RYR3: variants seen among roughly 807,000 people sequenced by gnomAD.
RYR3 encodes brain ryanodine receptor-calcium release channel.
A neutral mutation model predicts 584.3 loss-of-function variants in RYR3; 207 were observed. The observed-to-expected ratio is 0.35, with a 90% CI of 0.32 to 0.40. The LOEUF is 0.40. Ranked by LOEUF, RYR3 falls within the 10% of genes least tolerant of loss-of-function variation. RYR3 has a pLI of 1.00. For missense variants in RYR3, 5,616 were observed against 6,089.2 expected (o/e 0.92, Z 2.59); for synonymous variants, 2,416 against 2,248.5 (o/e 1.07, Z -2.11).
intron 3 of RYR3, among the ~76,000 whole-genome samples, chr15:33,522,065 C>T (rs2054029010): frequency 6.9e-6 from 1 of 145,744 alleles, no homozygotes; most frequent in African/African-American, 2.5e-5. Flanking sequence ...ACCAGCCTGG[C>T]CAATATGGCA....
At chr15:33,633,399 C>T (rs1377142318) in intron 24 of RYR3, among the ~76,000 whole-genome samples, 6 of 152,238 alleles carry the variant, frequency 3.9e-5, no homozygotes, top group African/African-American at 1.4e-4. Context: ...AAAGCTTTTG[C>T]CTCCTTACTT....
intron 42 of RYR3, among the ~76,000 whole-genome samples, chr15:33,704,509 G>C (rs890375702): frequency 6.6e-6 from 1 of 152,164 alleles, no homozygotes; most frequent in African/African-American, 2.4e-5. Context: ...CACCTGTCGT[G>C]AGAGCTTCCA....
chr15:33,335,185 C>T (rs1395792444), intron 1 of RYR3, among the ~76,000 whole-genome samples: 2 of 152,176 alleles, frequency 1.3e-5, no homozygotes, highest in Non-Finnish European at 2.9e-5. Flanking sequence ...TGGGCATATA[C>T]TCAAAGGAAT....
chr15:33,735,278 CTACT>C (rs2069343509), intron 48 of RYR3, among the ~76,000 whole-genome samples: 1 of 152,210 alleles, frequency 6.6e-6, no homozygotes, highest in African/African-American at 2.4e-5. Flanking sequence ...TGAGACAAGG[CTACT>C]TACTTGCTGT....
chr15:33,538,785 C>T (rs1188626447), intron 5 of RYR3, among the ~76,000 whole-genome samples: 1 of 152,096 alleles, frequency 6.6e-6, no homozygotes, highest in African/African-American at 2.4e-5. Context: ...ACTGAAAGAC[C>T]TGGGTTTTCA....
At chr15:33,389,358 A>G (rs1415311934) in intron 1 of RYR3, among the ~76,000 whole-genome samples, 1 of 152,232 alleles carries the variant, frequency 6.6e-6, no homozygotes, top group Non-Finnish European at 1.5e-5. Flanking sequence ...TAATAGTGTA[A>G]GTATGTTTTT....
rs1280226126 is a variant in RYR3 at position 33,562,890 on chromosome 15, A to C, written c.1026A>C (p.Gly342=). 6.2e-7 allele frequency: 1 copy of C among 1,613,464 alleles called. No individual in the cohort carries two copies. Among genetic ancestry groups the C allele is most frequent in the South Asian group, 1.1e-5 (1 of 91,064 alleles). ...ACAAGCGAGACATAGAAGGCATGGG[A>C]GTTCCAGAAATCAAGTATGGAGATT... ...SSHKRDIEGM[G]VPEIKYGDSV... Residue 342 remains glycine, a synonymous_variant, in exon 11 of 104, where the codon GGA becomes GGC. Transcript: ENST00000634891.
intron 12 of RYR3, among the ~76,000 whole-genome samples, chr15:33,578,706 G>A (rs2437136): frequency 0.85 from 128,151 of 151,584 alleles, 54,622 homozygotes; most frequent in Middle Eastern, 0.96. Flanking sequence ...GCAAACCACC[G>A]TGGCACACGT....
chr15:33,697,191 C>T (rs1174667299), intron 39 of RYR3, among the ~76,000 whole-genome samples: 1 of 152,166 alleles, frequency 6.6e-6, no homozygotes, highest in Non-Finnish European at 1.5e-5. Flanking sequence ...GGAGCATCAC[C>T]AAGGTGCAGG....
chr15:33,781,272 G>A (rs1262461914), intron 65 of RYR3, among the ~76,000 whole-genome samples: 1 of 152,298 alleles, frequency 6.6e-6, no homozygotes, highest in East Asian at 1.9e-4. Context: ...AAAGAACTGC[G>A]ATGATTCCAT....
intron 18 of RYR3, among the ~76,000 whole-genome samples, chr15:33,610,831 ATTT>A (rs1296093049): frequency 6.6e-6 from 1 of 152,162 alleles, no homozygotes; most frequent in Non-Finnish European, 1.5e-5. Flanking sequence ...TTTTTACAAA[ATTT>A]TTAATAATTT....
At chr15:33,796,295 C>T (rs1251769187) in intron 67 of RYR3, among the ~76,000 whole-genome samples, 5 of 151,932 alleles carry the variant, frequency 3.3e-5, no homozygotes, top group Admixed American at 6.6e-5. Flanking sequence ...CCACTACGCC[C>T]GGCTAATTTT....
At chr15:33,351,441 G>A (rs1336531104) in intron 1 of RYR3, among the ~76,000 whole-genome samples, 2 of 151,640 alleles carry the variant, frequency 1.3e-5, no homozygotes, top group Non-Finnish European at 2.9e-5. Flanking sequence ...CCAAAGCCGG[G>A]CAGAGACACA....
At chr15:33,491,241 C>A (rs2050937955) in intron 2 of RYR3, among the ~76,000 whole-genome samples, 1 of 152,204 alleles carries the variant, frequency 6.6e-6, no homozygotes, top group Admixed American at 6.5e-5. Context: ...ATGATCTCGA[C>A]TTCATTAGCA....
At chr15:33,587,825 A>C (rs2058932252) in intron 16 of RYR3, among the ~76,000 whole-genome samples, 1 of 152,226 alleles carries the variant, frequency 6.6e-6, no homozygotes, top group Non-Finnish European at 1.5e-5. Context: ...GGTTCAAACC[A>C]TCACTAATGT....
At chr15:33,666,873 C>T (rs948467994) in intron 36 of RYR3, among the ~76,000 whole-genome samples, 2 of 152,230 alleles carry the variant, frequency 1.3e-5, no homozygotes, top group African/African-American at 4.8e-5. Flanking sequence ...GTATGTCCTA[C>T]AGGCAAGGAA....
At chr15:33,539,316 G>A (rs1474635966) in intron 5 of RYR3, 34 bp from the exon 6 acceptor site, 1 of 1,395,576 alleles carries the variant, frequency 7.2e-7, no homozygotes, top group Admixed American at 1.9e-5. Context: ...TGGCTTCTGT[G>A]AAGCAATGAC....
At chr15:33,790,490 A>G (rs747410763) in intron 67 of RYR3, among the ~76,000 whole-genome samples, 18 of 152,178 alleles carry the variant, frequency 1.2e-4, no homozygotes, top group Non-Finnish European at 2.5e-4. Context: ...GCCTGAGTAC[A>G]TGGAAGAATG....
At chr15:33,456,961 C>T (rs2047613382) in intron 1 of RYR3, among the ~76,000 whole-genome samples, 1 of 152,158 alleles carries the variant, frequency 6.6e-6, no homozygotes. Flanking sequence ...ATAAATACTG[C>T]ATAATGACTA....
Sources: gnomAD v4.1 joint callset for allele counts (sites outside exome capture counted in the v4.1 genomes callset) on GRCh38, gnomAD v4.1.1 for gene constraint, MANE v1.5 for transcripts, NCBI Gene and HGNC (gene_info 2026-07-23, HGNC 2026-07-21) for gene names.